Variants in LHFPL1 observed in about 807,000 individuals in gnomAD.
LHFPL1 encodes LHFPL tetraspan subfamily member 1 protein.
LHFPL1 carries 4 observed loss-of-function variants against 12.1 expected under a neutral mutation model. The ratio of observed to expected loss-of-function variants is 0.33; its 90% CI spans 0.16 to 0.76. LHFPL1 has a LOEUF of 0.76. LHFPL1 is among the 30% of genes least tolerant of loss of function. The pLI is 0.61. For missense variants in LHFPL1, 141 were observed against 174.1 expected, an observed-to-expected ratio of 0.81 and a Z score of 1.07; for synonymous variants, 52 against 61.9, an observed-to-expected ratio of 0.84 and a Z score of 0.75.
At chrX:112,672,847 T>C (rs1347460283) in intron 1 of LHFPL1, among the ~76,000 whole-genome samples, 1 of 112,269 alleles carries the variant, frequency 8.9e-6, no homozygotes, top group East Asian at 2.8e-4. Context: ...AATTTCCAGA[T>C]GGGTAGGGAA....
rs138438376 is a variant in LHFPL1 at position 112,671,360 on chromosome X, G to C, written c.31C>G (p.Leu11Val). The C allele has an allele frequency of 1.7e-6, 2 of 1,210,323 alleles. No homozygotes were observed. The highest frequency in any genetic ancestry group is 2.2e-6 in the Non-Finnish European group (2 of 895,301). ...GTAACAAGGGACAGGAAGGCCCAGA[G>C]GGTTCCCACCATGGTCAGGCTGCTC... The part of the protein sequence containing the change: MRSSLTMVGT[L>V]WAFLSLVTAV... Residue 11 changes from leucine to valine, a missense_variant, in exon 2 of 4, where the codon CTC becomes GTC. Leu to Val is a conservative substitution (Grantham distance 32). Coordinates refer to ENST00000371968, the MANE Select transcript of LHFPL1 (RefSeq NM_178175.4).
chrX:112,666,503 C>A (rs1443219556), intron 2 of LHFPL1, among the ~76,000 whole-genome samples: 2 of 111,541 alleles, frequency 1.8e-5, no homozygotes, highest in African/African-American at 6.5e-5. Context: ...ACACCCTAAA[C>A]AAGGCTGAGC....
At chrX:112,658,989 T>C (rs910854627) in intron 3 of LHFPL1, among the ~76,000 whole-genome samples, 2 of 112,073 alleles carry the variant, frequency 1.8e-5, no homozygotes, top group African/African-American at 6.5e-5. Flanking sequence ...GTATACATCT[T>C]GAAAACTTCT....
At chrX:112,644,007 C>G (rs987116840) in intron 3 of LHFPL1, among the ~76,000 whole-genome samples, 7 of 112,180 alleles carry the variant, frequency 6.2e-5, no homozygotes, top group Non-Finnish European at 1.3e-4. Context: ...ACTGATTCCC[C>G]CACTGCCTGC....
intron 1 of LHFPL1, among the ~76,000 whole-genome samples, chrX:112,675,273 A>C (rs1931626229): frequency 9.0e-6 from 1 of 111,271 alleles, no homozygotes; most frequent in Non-Finnish European, 1.9e-5. Flanking sequence ...TGGAAAAATA[A>C]AATTTTTTAA....
intron 3 of LHFPL1, among the ~76,000 whole-genome samples, chrX:112,634,159 T>C (rs1015236717): frequency 6.3e-5 from 7 of 111,663 alleles, no homozygotes; most frequent in Non-Finnish European, 1.3e-4. Flanking sequence ...CCCTGGGAAC[T>C]CTCTCAGAAG....
intron 3 of LHFPL1, among the ~76,000 whole-genome samples, chrX:112,652,227 C>T (rs756018212): frequency 1.4e-3 from 162 of 112,213 alleles, no homozygotes; most frequent in African/African-American, 5.0e-3. Context: ...TATCATTTAT[C>T]AACACTAATT....
chrX:112,640,248 T>C (rs1419499618), intron 3 of LHFPL1, among the ~76,000 whole-genome samples: 2 of 110,935 alleles, frequency 1.8e-5, no homozygotes, highest in Non-Finnish European at 3.8e-5. Flanking sequence ...CGCTCCGATA[T>C]GGACTGCCAC....
chrX:112,666,612 G>A (rs1394992400), intron 2 of LHFPL1, among the ~76,000 whole-genome samples: 3 of 112,016 alleles, frequency 2.7e-5, no homozygotes, highest in African/African-American at 9.8e-5. Flanking sequence ...ACAAGGGAAT[G>A]TGATCAGGGT....
At chrX:112,670,129 G>T (rs1271884143) in intron 2 of LHFPL1, among the ~76,000 whole-genome samples, 1 of 112,387 alleles carries the variant, frequency 8.9e-6, no homozygotes, top group Non-Finnish European at 1.9e-5. Flanking sequence ...AATGAATTGG[G>T]TAATAATTCT....
Position 112,631,400 on chromosome X carries a change from C to T in LHFPL1, c.*20G>A. ...GCTCCCTCCTCCCCTTTCCCACCCTCTCCAATCTTCTTTCAAAGCTCAAGG... is the reference window on the plus strand; with the variant it reads ...GCTCCCTCCTCCCCTTTCCCACCCTTTCCAATCTTCTTTCAAAGCTCAAGG... On this transcript the variant is annotated 3_prime_UTR_variant, in exon 4 of 4. Transcript: ENST00000371968. 8.4e-7 allele frequency: 1 copy of T among 1,192,602 alleles called. No homozygotes were observed. The highest frequency in any genetic ancestry group is 1.1e-6 in the Non-Finnish European group (1 of 882,192).
chrX:112,673,668 CA>C (rs1440291482), intron 1 of LHFPL1, among the ~76,000 whole-genome samples: 1 of 111,643 alleles, frequency 9.0e-6, no homozygotes, highest in East Asian at 2.8e-4. Flanking sequence ...CCTAAATTTA[CA>C]AATGAGCAAA....
At chrX:112,657,756 T>C (rs1201234749) in intron 3 of LHFPL1, among the ~76,000 whole-genome samples, 1 of 111,083 alleles carries the variant, frequency 9.0e-6, no homozygotes. Context: ...TATGGACCTA[T>C]ATCTCATACC....
chrX:112,658,982 T>C (rs187122465), intron 3 of LHFPL1, among the ~76,000 whole-genome samples: 1 of 112,161 alleles, frequency 8.9e-6, no homozygotes, highest in Admixed American at 9.5e-5. Context: ...ACTACATGTA[T>C]ACATCTTGAA....
chrX:112,636,451 C>G (rs12559225), intron 3 of LHFPL1, among the ~76,000 whole-genome samples: 16,928 of 111,702 alleles, frequency 0.15, 1,786 homozygotes, highest in African/African-American at 0.36. Context: ...ACTTTAAATT[C>G]TATTCAAAAT....
intron 3 of LHFPL1, among the ~76,000 whole-genome samples, chrX:112,645,929 C>T (rs1930671843): frequency 9.0e-6 from 1 of 111,092 alleles, no homozygotes; most frequent in African/African-American, 3.3e-5. Context: ...TACTGGGTTG[C>T]CATTAAGCAG....
chrX:112,657,909 C>CAAA (rs57793060), intron 3 of LHFPL1, among the ~76,000 whole-genome samples: 2,018 of 61,288 alleles, frequency 0.033, 83 homozygotes, highest in African/African-American at 0.089. Flanking sequence ...AAAACAGAAG[C>CAAA]AAAAAAAAAA....
Position 112,641,561 on chromosome X carries a change from G to A in LHFPL1, c.482-9960C>T, listed in dbSNP as rs189399552. On this transcript the variant is annotated intron_variant, in intron 3 of 3. Coordinates refer to ENST00000371968, the MANE Select transcript of LHFPL1 (RefSeq NM_178175.4). ...CTCCTTTCTGTGTTTCAGCTTCTCCGTGAGTAAAATGGAAGTGATACCACC... is the reference window on the plus strand; with the variant it reads ...CTCCTTTCTGTGTTTCAGCTTCTCCATGAGTAAAATGGAAGTGATACCACC... 8.6e-3 allele frequency among the ~76,000 whole-genome samples: 960 copies of A among 112,080 alleles called. 14 individuals carry two copies. Among genetic ancestry groups the A allele is most frequent in the African/African-American group, 0.029 (907 of 30,821 alleles).
chrX:112,639,646 G>A (rs1930445476), intron 3 of LHFPL1, among the ~76,000 whole-genome samples: 1 of 112,204 alleles, frequency 8.9e-6, no homozygotes, highest in Admixed American at 9.4e-5. Flanking sequence ...CCACTATTGA[G>A]CATTAGCTTC....
Sources: allele counts gnomAD v4.1 joint callset (sites outside exome capture counted in the v4.1 genomes callset), GRCh38; gene constraint gnomAD v4.1.1; transcripts MANE v1.5; gene names NCBI Gene and HGNC (gene_info 2026-07-23, HGNC 2026-07-21).